Variants in APBB1IP observed in about 807,000 individuals in gnomAD.
The protein encoded by APBB1IP is amyloid beta precursor protein binding family B member 1 interacting protein.
In APBB1IP, 27 loss-of-function variants were observed where a neutral mutation model predicts 64.9. The ratio of observed to expected loss-of-function variants is 0.42; its 90% CI spans 0.31 to 0.57. The LOEUF (loss-of-function observed/expected upper bound fraction) is 0.57, where lower values mean the gene tolerates loss of function less well. Ranked by LOEUF, APBB1IP falls within the 20% of genes least tolerant of loss-of-function variation. The probability of loss-of-function intolerance (pLI) is 0.20; values close to 1 mark genes in which losing one functional copy is unlikely to be tolerated. For missense variants in APBB1IP, 812 were observed against 845.5 expected (o/e 0.96, Z 0.49); for synonymous variants, 392 against 331.0 (o/e 1.18, Z -2.00).
At chr10:26,471,610 C>T (rs1835716256) in intron 2 of APBB1IP, among the ~76,000 whole-genome samples, 1 of 152,132 alleles carries the variant, frequency 6.6e-6, no homozygotes, top group Non-Finnish European at 1.5e-5. Flanking sequence ...TACAGACAGT[C>T]ACAGAAATGA....
rs1168880510 is a variant in APBB1IP at position 26,541,681 on chromosome 10, T to C, written c.1144T>C (p.Phe382Leu). ...ATATAAAGCGCCCACTGACTATTGCTTTGTTTTAAAGGTATGTTATAAGAA... is the reference window on the plus strand; with the variant it reads ...ATATAAAGCGCCCACTGACTATTGCCTTGTTTTAAAGGTATGTTATAAGAA... ...MKYKAPTDYC[F>L]VLKHPQIQKE... The change falls in exon 11 of 15, where the codon TTT becomes CTT. Residue 382 changes from phenylalanine to leucine, a missense_variant. This residue lies in a region of APBB1IP where 37 missense variants were observed against 80.4 expected (regional missense o/e 0.46). Coordinates refer to ENST00000376236, the MANE Select transcript of APBB1IP (RefSeq NM_019043.4). 1 of 1,603,700 alleles carries C rather than the reference T, an allele frequency of 6.2e-7. No homozygotes were observed.
intron 7 of APBB1IP, among the ~76,000 whole-genome samples, chr10:26,512,868 A>G (rs1023329617): frequency 5.9e-5 from 9 of 152,290 alleles, no homozygotes; most frequent in African/African-American, 9.6e-5. Flanking sequence ...TCTGGATAAG[A>G]TGGTTTACAC....
chr10:26,494,058 C>T (rs543827741), intron 3 of APBB1IP, among the ~76,000 whole-genome samples: 2 of 152,228 alleles, frequency 1.3e-5, no homozygotes, highest in South Asian at 4.1e-4. Flanking sequence ...GGCTGGATAT[C>T]ATCTTTAGTA....
Position 26,533,543 on chromosome 10 carries a change from G to C in APBB1IP, c.900+18G>C. 1 of 1,533,324 alleles carries C rather than the reference G, an allele frequency of 6.5e-7. No individual in the cohort carries two copies. The highest frequency in any genetic ancestry group is 8.8e-7 in the Non-Finnish European group (1 of 1,129,982). 95.0% of individuals were successfully genotyped at this position (1,533,324 alleles called of 1,614,324 possible). A position where few individuals can be genotyped will look rare whatever the true frequency, so the allele number is the denominator to read the frequency against. On this transcript the variant is annotated intron_variant, in intron 9 of 14. Transcript: ENST00000376236. The stretch of plus-strand genomic sequence containing the variant: ...TACTTGAGGTAAGGTTAATTTTGCA[G>C]AGTGGAAGAAAAGAGAAGGACGTTT...
intron 7 of APBB1IP, 56 bp from the exon 8 acceptor site, chr10:26,513,483 C>T: frequency 6.3e-7 from 1 of 1,594,824 alleles, no homozygotes; most frequent in Non-Finnish European, 8.5e-7. Context: ...GCTTGTTTCT[C>T]ACTTGGAAAC....
intron 11 of APBB1IP, among the ~76,000 whole-genome samples, chr10:26,548,331 TC>T (rs1419178141): frequency 3.1e-5 from 4 of 127,972 alleles, no homozygotes; most frequent in African/African-American, 8.6e-5. Context: ...ATGCTATCCC[TC>T]CCCCCTCCCC....
chr10:26,508,836 A>G (rs1482102908), intron 6 of APBB1IP, among the ~76,000 whole-genome samples: 1 of 152,140 alleles, frequency 6.6e-6, no homozygotes, highest in Non-Finnish European at 1.5e-5. Flanking sequence ...GCAAAAAAAC[A>G]CCTTTAATCA....
intron 2 of APBB1IP, among the ~76,000 whole-genome samples, chr10:26,446,158 A>T (rs566374031): frequency 6.6e-6 from 1 of 152,374 alleles, no homozygotes; most frequent in South Asian, 2.1e-4. Context: ...GTATTATCAC[A>T]ATTAGGTTAC....
At chr10:26,445,944 C>T (rs1002086963) in intron 2 of APBB1IP, among the ~76,000 whole-genome samples, 69 of 152,116 alleles carry the variant, frequency 4.5e-4, no homozygotes, top group Admixed American at 5.2e-4. Flanking sequence ...AGGGTAATAA[C>T]GAAATAGTAA....
At chr10:26,556,362 G>A (rs557341988) in intron 11 of APBB1IP, among the ~76,000 whole-genome samples, 4 of 152,326 alleles carry the variant, frequency 2.6e-5, no homozygotes, top group South Asian at 2.1e-4. Context: ...AAGGGAGCCA[G>A]AAAGGAGCTT....
At chr10:26,535,121 T>C (rs1564371721) in intron 9 of APBB1IP, among the ~76,000 whole-genome samples, 1 of 152,122 alleles carries the variant, frequency 6.6e-6, no homozygotes, top group Non-Finnish European at 1.5e-5. Context: ...AATTTTATTC[T>C]ATTGATTTTT....
At position 26,567,485 on chromosome 10, in the gene APBB1IP, C is replaced by T. The variant is rs150768801; in HGVS notation, c.1998C>T (p.Ser666=). 3.5e-3 allele frequency: 5,499 copies of T among 1,571,540 alleles called. 29 individuals carry two copies. The highest frequency in any genetic ancestry group is 3.5e-3 in the Non-Finnish European group (4,081 of 1,151,704). The part of the protein sequence containing the change: ...KALQKKRGNV[S] Reference sequence around the variant, plus strand: ...TGCAAAAGAAGAGAGGCAACGTGTCCTAGGGACGGGCATGATGAGTGTTCC... The same window carrying T: ...TGCAAAAGAAGAGAGGCAACGTGTCTTAGGGACGGGCATGATGAGTGTTCC... Residue 666 remains serine, a synonymous_variant, in exon 15 of 15, where the codon TCC becomes TCT. Transcript: ENST00000376236.
At position 26,493,114 on chromosome 10, in the gene APBB1IP, G is replaced by A. The variant is rs192374865; in HGVS notation, c.72+716G>A. Among the ~76,000 whole-genome samples the A allele has an allele frequency of 7.6e-3, 1,149 of 152,160 alleles. 14 individuals carry two copies. The highest frequency in any genetic ancestry group is 0.044 in the Middle Eastern group (13 of 294). On this transcript the variant is annotated intron_variant, in intron 3 of 14. Transcript: ENST00000376236. Reference sequence around the variant, plus strand: ...GAATTCAGTGATATTTCTCTTACCCGTTTTCGGTAATAAGAGAAATATGGC... The same window carrying A: ...GAATTCAGTGATATTTCTCTTACCCATTTTCGGTAATAAGAGAAATATGGC...
In APBB1IP at chr10:26,495,641, C is replaced by T. The variant is rs138664222; in HGVS notation, c.73-663C>T. Among the ~76,000 whole-genome samples, 210 of 149,396 alleles carry T rather than the reference C, an allele frequency of 1.4e-3. 1 individual carries two copies. Among genetic ancestry groups the T allele is most frequent in the Admixed American group, 3.5e-3 (53 of 15,040 alleles). On this transcript the variant is annotated intron_variant, in intron 3 of 14. Transcript: ENST00000376236. ...AAAAAAAAAAAGAATAGGAAAGAGG[C>T]CCCTTTTAGTCTCTTGGACCTGCCT...
chr10:26,539,057 A>G (rs954244691), intron 10 of APBB1IP, among the ~76,000 whole-genome samples: 2 of 152,256 alleles, frequency 1.3e-5, no homozygotes, highest in African/African-American at 4.8e-5. Context: ...TCCATGTACC[A>G]AACTAAATTC....
chr10:26,484,436 G>A (rs1835868939), intron 2 of APBB1IP, among the ~76,000 whole-genome samples: 1 of 152,110 alleles, frequency 6.6e-6, no homozygotes, highest in Non-Finnish European at 1.5e-5. Context: ...CCAAGTAGCT[G>A]GGATTATAGG....
At chr10:26,453,321 T>C (rs1395959563) in intron 2 of APBB1IP, among the ~76,000 whole-genome samples, 2 of 152,274 alleles carry the variant, frequency 1.3e-5, no homozygotes, top group East Asian at 3.9e-4. Flanking sequence ...CAAGGTTTAA[T>C]GAGAAGAAGA....
At chr10:26,480,997 C>T (rs1835828384) in intron 2 of APBB1IP, among the ~76,000 whole-genome samples, 1 of 151,996 alleles carries the variant, frequency 6.6e-6, no homozygotes, top group African/African-American at 2.4e-5. Context: ...TGCATTGTCC[C>T]TCTGGTTTTA....
intron 2 of APBB1IP, among the ~76,000 whole-genome samples, chr10:26,465,879 A>G (rs1197402501): frequency 6.6e-6 from 1 of 152,216 alleles, no homozygotes; most frequent in East Asian, 1.9e-4. Context: ...TGGAAATGGT[A>G]GGTATTAGGA....
Sources: gnomAD v4.1 joint callset for allele counts (sites outside exome capture counted in the v4.1 genomes callset) on GRCh38, gnomAD v4.1.1 for gene constraint, gnomAD v4.1.1 regional missense constraint, MANE v1.5 for transcripts, NCBI Gene and HGNC (gene_info 2026-07-23, HGNC 2026-07-21) for gene names.